Variants in EFNA5 observed in about 807,000 individuals in gnomAD.
EFNA5 encodes ephrin-A5.
A neutral mutation model predicts 22.9 loss-of-function variants in EFNA5; 5 were observed. That is an observed-to-expected ratio of 0.22 (90% confidence interval 0.11 to 0.46). EFNA5 has a LOEUF of 0.46. Ranked by LOEUF, EFNA5 falls within the 20% of genes least tolerant of loss-of-function variation. EFNA5 has a pLI of 0.99. For missense variants in EFNA5, 237 were observed against 293.3 expected, an observed-to-expected ratio of 0.81 and a Z score of 1.40; for synonymous variants, 113 against 112.2, an observed-to-expected ratio of 1.01 and a Z score of -0.04.
chr5:107,477,274 AC>A (rs1214273437), intron 1 of EFNA5, among the ~76,000 whole-genome samples: 3 of 152,238 alleles, frequency 2.0e-5, no homozygotes, highest in Admixed American at 1.3e-4. Flanking sequence ...ATATTTATGT[AC>A]CTATGTAAGA....
chr5:107,663,522 T>C (rs1034701337), intron 1 of EFNA5, among the ~76,000 whole-genome samples: 1 of 152,134 alleles, frequency 6.6e-6, no homozygotes, highest in African/African-American at 2.4e-5. Context: ...ACCAGAATCG[T>C]GATCATCAGT....
At chr5:107,630,861 T>C (rs1219291972) in intron 1 of EFNA5, among the ~76,000 whole-genome samples, 2 of 152,180 alleles carry the variant, frequency 1.3e-5, no homozygotes, top group Admixed American at 1.3e-4. Flanking sequence ...ATTTATTTTT[T>C]TACTTTTTAA....
intron 1 of EFNA5, among the ~76,000 whole-genome samples, chr5:107,668,763 T>A (rs968329803): frequency 1.3e-5 from 2 of 152,198 alleles, no homozygotes; most frequent in African/African-American, 4.8e-5. Flanking sequence ...CTAACCAACA[T>A]AATGAGACTG....
intron 1 of EFNA5, among the ~76,000 whole-genome samples, chr5:107,579,016 A>G (rs1748985455): frequency 6.6e-6 from 1 of 152,192 alleles, no homozygotes. Flanking sequence ...ACAAAAGTGC[A>G]TAAATGGTGT....
chr5:107,454,913 C>G (rs1749657028), intron 1 of EFNA5, among the ~76,000 whole-genome samples: 1 of 152,128 alleles, frequency 6.6e-6, no homozygotes, highest in African/African-American at 2.4e-5. Flanking sequence ...GGGAAGGAAG[C>G]TTTTAGGTCT....
intron 1 of EFNA5, among the ~76,000 whole-genome samples, chr5:107,569,583 A>ATT (rs1748750616): frequency 7.7e-5 from 2 of 26,040 alleles, no homozygotes; most frequent in South Asian, 2.2e-3. Flanking sequence ...ATATATATAT[A>ATT]TATATATATA....
intron 1 of EFNA5, among the ~76,000 whole-genome samples, chr5:107,644,472 A>C (rs1423974113): frequency 6.6e-6 from 1 of 152,216 alleles, no homozygotes; most frequent in Non-Finnish European, 1.5e-5. Flanking sequence ...AACAGAAAAA[A>C]TACTTGCATC....
chr5:107,503,599 T>A (rs187620615), intron 1 of EFNA5, among the ~76,000 whole-genome samples: 338 of 152,334 alleles, frequency 2.2e-3, no homozygotes, highest in South Asian at 5.0e-3. Context: ...ACTTACGTAG[T>A]AAGAACTGTG....
intron 2 of EFNA5, among the ~76,000 whole-genome samples, chr5:107,411,526 A>G (rs1276718166): frequency 1.5e-4 from 23 of 152,258 alleles, no homozygotes; most frequent in Admixed American, 1.5e-3. Context: ...CGAATGGCTG[A>G]GTCTTGATGA....
chr5:107,554,186 T>C (rs1323432412), intron 1 of EFNA5, among the ~76,000 whole-genome samples: 2 of 152,228 alleles, frequency 1.3e-5, no homozygotes, highest in Non-Finnish European at 2.9e-5. Context: ...TTAAAAATCA[T>C]ACTGATCATA....
At chr5:107,521,110 T>A (rs1486858007) in intron 1 of EFNA5, among the ~76,000 whole-genome samples, 1 of 152,170 alleles carries the variant, frequency 6.6e-6, no homozygotes, top group South Asian at 2.1e-4. Context: ...GAACTCATTG[T>A]GAGTTGAAAA....
intron 2 of EFNA5, among the ~76,000 whole-genome samples, chr5:107,395,428 G>A (rs1747897304): frequency 6.6e-6 from 1 of 152,136 alleles, no homozygotes; most frequent in Non-Finnish European, 1.5e-5. Context: ...AGTCATGTGA[G>A]TGGGGAAATC....
rs1395025924 is a variant in EFNA5, at chr5:107,387,762, A to G, written c.428T>C (p.Ile143Thr). ...ACAGGACCTTCTTCCATTATCTGGG[A>G]TTGCAGAGGCTGTGGGTAACACAGA... The part of the protein sequence containing the change: ...GREYFYISSA[I>T]PDNGRRSCLK... The change falls in exon 3 of 5, where the codon ATC becomes ACC. Residue 143 changes from isoleucine (I) to threonine (T), a missense_variant. Ile to Thr is a moderately conservative substitution (Grantham distance 89). Transcript: ENST00000333274. 2.5e-6 allele frequency: 4 copies of G among 1,612,196 alleles called. No homozygotes were observed. The highest frequency in any genetic ancestry group is 3.4e-6 in the Non-Finnish European group (4 of 1,178,696).
intron 2 of EFNA5, among the ~76,000 whole-genome samples, chr5:107,397,868 A>G (rs1035880495): frequency 6.6e-6 from 1 of 152,166 alleles, no homozygotes; most frequent in Non-Finnish European, 1.5e-5. Flanking sequence ...TTGAGTGGAG[A>G]AAAGGACAGC....
At chr5:107,605,630 C>A (rs559843894) in intron 1 of EFNA5, among the ~76,000 whole-genome samples, 16 of 151,350 alleles carry the variant, frequency 1.1e-4, no homozygotes, top group Non-Finnish European at 2.4e-4. Context: ...TGGTTCATTG[C>A]CAGCACCTTT....
At chr5:107,526,228 AT>A (rs1747693699) in intron 1 of EFNA5, among the ~76,000 whole-genome samples, 1 of 152,204 alleles carries the variant, frequency 6.6e-6, no homozygotes, top group Non-Finnish European at 1.5e-5. Context: ...AAGATTCTGG[AT>A]TTTAGAATGA....
At chr5:107,584,497 T>C (rs1200352359) in intron 1 of EFNA5, among the ~76,000 whole-genome samples, 1 of 152,232 alleles carries the variant, frequency 6.6e-6, no homozygotes, top group African/African-American at 2.4e-5. Context: ...TAAGCATAAA[T>C]AACCTTTAAA....
At chr5:107,429,964 T>G (rs1748904854) in intron 1 of EFNA5, among the ~76,000 whole-genome samples, 2 of 152,224 alleles carry the variant, frequency 1.3e-5, no homozygotes. Context: ...CCCTTGCTCT[T>G]GAAAAGCAGC....
intron 1 of EFNA5, among the ~76,000 whole-genome samples, chr5:107,663,362 C>T (rs560301858): frequency 3.3e-5 from 5 of 152,130 alleles, no homozygotes; most frequent in South Asian, 2.1e-4. Flanking sequence ...TATTATACTG[C>T]GTGGTTATTT....
Sources: allele counts gnomAD v4.1 joint callset (sites outside exome capture counted in the v4.1 genomes callset), GRCh38; gene constraint gnomAD v4.1.1; transcripts MANE v1.5; gene names NCBI Gene and HGNC (gene_info 2026-07-23, HGNC 2026-07-21).